Variants in MACROD2 observed in about 807,000 individuals in gnomAD.
The protein encoded by MACROD2 is mono-ADP ribosylhydrolase 2, also known as ADP-ribose glycohydrolase MACROD2.
Under a neutral mutation model 70.4 loss-of-function variants are expected in MACROD2, and 36 were observed. The observed-to-expected ratio is 0.51, with a 90% CI of 0.39 to 0.68. The LOEUF (loss-of-function observed/expected upper bound fraction) is 0.68. Among genes scored for constraint, MACROD2 ranks in the 30% least tolerant of loss-of-function variants. The pLI is 0.00. For synonymous variants in MACROD2, 172 were observed against 178.8 expected, an observed-to-expected ratio of 0.96 and a Z score of 0.30; for missense variants, 496 against 538.4, an observed-to-expected ratio of 0.92 and a Z score of 0.78.
chr20:15,608,880 TTTATG>T (rs2048929185), intron 8 of MACROD2, among the ~76,000 whole-genome samples: 3 of 152,200 alleles, frequency 2.0e-5, no homozygotes. Context: ...AATCTTTTTC[TTTATG>T]TTATATTTTA....
chr20:14,167,835 C>G (rs907217086), intron 3 of MACROD2, among the ~76,000 whole-genome samples: 5 of 152,178 alleles, frequency 3.3e-5, no homozygotes, highest in African/African-American at 9.7e-5. Flanking sequence ...TACGAAGACT[C>G]TCCTGTGTGC....
rs180963673 is a variant in MACROD2 at position 15,529,949 on chromosome 20, G to A, written c.645+30102G>A. Among the ~76,000 whole-genome samples, 550 of 152,248 alleles carry A rather than the reference G, an allele frequency of 3.6e-3. 3 individuals carry two copies. The highest frequency in any genetic ancestry group is 0.013 in the African/African-American group (520 of 41,552). On this transcript the variant is annotated intron_variant, in intron 8 of 17. Coordinates refer to ENST00000684519, the MANE Select transcript of MACROD2 (RefSeq NM_001351661.2). Reference sequence around the variant, plus strand: ...CAACATATGTTCATCAGCAAGTGACGGAGGTCAACAGGTAGAAGAAATTTG... The same window carrying A: ...CAACATATGTTCATCAGCAAGTGACAGAGGTCAACAGGTAGAAGAAATTTG...
intron 3 of MACROD2, among the ~76,000 whole-genome samples, chr20:14,347,952 A>G (rs1253307520): frequency 6.6e-6 from 1 of 152,134 alleles, no homozygotes; most frequent in Non-Finnish European, 1.5e-5. Context: ...CATCCAAGAT[A>G]TGAAACCAGA....
intron 5 of MACROD2, among the ~76,000 whole-genome samples, chr20:14,961,237 A>G (rs754731532): frequency 6.6e-6 from 1 of 152,200 alleles, no homozygotes; most frequent in African/African-American, 2.4e-5. Context: ...CCGATTAGTT[A>G]TTAATAGAAA....
chr20:14,500,857 T>C (rs1161667798), intron 4 of MACROD2, among the ~76,000 whole-genome samples: 2 of 152,180 alleles, frequency 1.3e-5, no homozygotes, highest in African/African-American at 2.4e-5. Context: ...AGGCAGAAAT[T>C]TCCTGAGAGT....
At chr20:14,209,365 A>C (rs543029347) in intron 3 of MACROD2, among the ~76,000 whole-genome samples, 1 of 152,248 alleles carries the variant, frequency 6.6e-6, no homozygotes, top group South Asian at 2.1e-4. Flanking sequence ...CAAGGCCTCT[A>C]TCTCTTCCCT....
rs554563353 is a variant in MACROD2 at position 15,850,999 on chromosome 20, G to A, written c.646-11746G>A. ...ACTGTTGGACAGAGCTCAGGTGGCC[G>A]GCTTCATGTGTGATTGGCTGCTGCC... On this transcript the variant is annotated intron_variant, in intron 8 of 17. Transcript: ENST00000684519. Among the ~76,000 whole-genome samples, 6 of 152,188 alleles carry A rather than the reference G, an allele frequency of 3.9e-5. No homozygotes were observed. The South Asian group carries it at 1.0e-3, about 26-fold the overall frequency.
chr20:14,878,430 C>G (rs2073574058), intron 5 of MACROD2, among the ~76,000 whole-genome samples: 1 of 152,048 alleles, frequency 6.6e-6, no homozygotes, highest in Non-Finnish European at 1.5e-5. Flanking sequence ...TCTATGTCCT[C>G]TCTTTTATGT....
At chr20:15,628,634 G>C (rs1450270139) in intron 8 of MACROD2, among the ~76,000 whole-genome samples, 1 of 152,194 alleles carries the variant, frequency 6.6e-6, no homozygotes, top group Non-Finnish European at 1.5e-5. Context: ...GGCTGGAGAA[G>C]TCTATTATAC....
At chr20:14,706,236 C>T (rs1428318232) in intron 5 of MACROD2, among the ~76,000 whole-genome samples, 2 of 151,450 alleles carry the variant, frequency 1.3e-5, no homozygotes, top group East Asian at 1.9e-4. Flanking sequence ...ATCACCTGAA[C>T]GCAGGAGGTG....
intron 13 of MACROD2, among the ~76,000 whole-genome samples, chr20:15,980,142 A>G (rs938555197): frequency 6.6e-6 from 1 of 152,228 alleles, no homozygotes; most frequent in African/African-American, 2.4e-5. Context: ...AGTCTTCTAT[A>G]CAATGTCTGG....
chr20:15,468,992 T>C (rs1184000429), intron 7 of MACROD2, among the ~76,000 whole-genome samples: 1 of 152,236 alleles, frequency 6.6e-6, no homozygotes, highest in African/African-American at 2.4e-5. Context: ...CATTTCTATA[T>C]AGTTCCTATC....
intron 3 of MACROD2, among the ~76,000 whole-genome samples, chr20:14,227,561 A>G (rs769781297): frequency 6.6e-6 from 1 of 152,098 alleles, no homozygotes; most frequent in Non-Finnish European, 1.5e-5. Flanking sequence ...CACCCACCAG[A>G]AGGAAGAAAC....
At chr20:14,370,887 A>C (rs2083316036) in intron 3 of MACROD2, among the ~76,000 whole-genome samples, 1 of 152,204 alleles carries the variant, frequency 6.6e-6, no homozygotes, top group Non-Finnish European at 1.5e-5. Flanking sequence ...AAAACATTAT[A>C]GTGTAAATGT....
intron 5 of MACROD2, among the ~76,000 whole-genome samples, chr20:15,052,217 G>T (rs1334605086): frequency 6.6e-6 from 1 of 152,178 alleles, no homozygotes; most frequent in Non-Finnish European, 1.5e-5. Context: ...AACTGTGTGT[G>T]CTCCTTGAGG....
intron 8 of MACROD2, among the ~76,000 whole-genome samples, chr20:15,594,146 G>A (rs577659466): frequency 3.3e-5 from 5 of 152,232 alleles, no homozygotes; most frequent in African/African-American, 1.2e-4. Flanking sequence ...CATGCAATAA[G>A]ACCCACCCAT....
At position 15,645,275 on chromosome 20, in the gene MACROD2, C is replaced by T. The variant is rs541943054; in HGVS notation, c.645+145428C>T. Among the ~76,000 whole-genome samples, 35 of 152,258 alleles carry T rather than the reference C, an allele frequency of 2.3e-4. No individual in the cohort carries two copies. In the South Asian group the frequency reaches 2.9e-3, roughly 13 times the overall value. ...GAGGGTCCCCATATCATCACAGAGCCCTGAGACTCTCAATCTCTGTAGGGA... is the reference window on the plus strand; with the variant it reads ...GAGGGTCCCCATATCATCACAGAGCTCTGAGACTCTCAATCTCTGTAGGGA... On this transcript the variant is annotated intron_variant, in intron 8 of 17. Coordinates refer to ENST00000684519, the MANE Select transcript of MACROD2 (RefSeq NM_001351661.2).
chr20:15,766,167 A>T (rs2051521258), intron 8 of MACROD2, among the ~76,000 whole-genome samples: 1 of 151,770 alleles, frequency 6.6e-6, no homozygotes, highest in African/African-American at 2.4e-5. Flanking sequence ...TAACCTGGAG[A>T]TTTATTTCTT....
intron 4 of MACROD2, among the ~76,000 whole-genome samples, chr20:14,670,993 A>T (rs1263593786): frequency 1.3e-5 from 2 of 152,140 alleles, no homozygotes; most frequent in Admixed American, 6.6e-5. Flanking sequence ...GCTTGCCTGG[A>T]AGCCCCACCT....
Sources: gnomAD v4.1 joint callset for allele counts (sites outside exome capture counted in the v4.1 genomes callset) on GRCh38, gnomAD v4.1.1 for gene constraint, MANE v1.5 for transcripts, NCBI Gene and HGNC (gene_info 2026-07-23, HGNC 2026-07-21) for gene names.